NDUFA10: variants seen among roughly 807,000 people sequenced by gnomAD.
NDUFA10 encodes NADH:ubiquinone oxidoreductase subunit A10, also known as NADH dehydrogenase [ubiquinone] 1 alpha subcomplex subunit 10, mitochondrial.
Under a neutral mutation model 47.8 loss-of-function variants are expected in NDUFA10, and 40 were observed. The ratio of observed to expected loss-of-function variants is 0.84; its 90% confidence interval spans 0.65 to 1.09. The LOEUF is 1.09. Among genes scored for constraint, NDUFA10 ranks in the 50% least tolerant of loss-of-function variants. NDUFA10 has a pLI of 0.00. For missense variants in NDUFA10, 413 were observed against 451.1 expected, an observed-to-expected ratio of 0.92 and a Z score of 0.76; for synonymous variants, 183 against 172.2, an observed-to-expected ratio of 1.06 and a Z score of -0.49.
chr2:239,982,782 G>T (rs1292305118), intron 9 of NDUFA10, among the ~76,000 whole-genome samples: 3 of 152,218 alleles, frequency 2.0e-5, no homozygotes, highest in African/African-American at 7.2e-5. Context: ...GTTTTCAAAA[G>T]AAGGAAAAGA....
At chr2:239,976,435 G>A (rs1695525147) in intron 9 of NDUFA10, 1 of 152,358 alleles carries the variant, frequency 6.6e-6, no homozygotes, top group Non-Finnish European at 1.5e-5. Flanking sequence ...CCCCCCCCAA[G>A]ACTCTACTTG....
chr2:239,976,726 T>C (rs542777855), intron 9 of NDUFA10: 3 of 151,242 alleles, frequency 2.0e-5, no homozygotes, highest in Non-Finnish European at 4.4e-5. Flanking sequence ...TACTGAAGAG[T>C]GACAAGGAGG....
intron 4 of NDUFA10, among the ~76,000 whole-genome samples, chr2:240,015,279 T>A (rs914418497): frequency 6.6e-6 from 1 of 152,248 alleles, no homozygotes; most frequent in Non-Finnish European, 1.5e-5. Flanking sequence ...AAGACGTAGG[T>A]CACGCAAGAT....
intron 9 of NDUFA10, among the ~76,000 whole-genome samples, chr2:239,972,233 T>C (rs1392169553): frequency 1.3e-5 from 2 of 152,092 alleles, no homozygotes; most frequent in Non-Finnish European, 2.9e-5. Flanking sequence ...AATATGTGTA[T>C]ATTCCAGCAA....
intron 1 of NDUFA10, among the ~76,000 whole-genome samples, 162 bp from the exon 2 acceptor site, chr2:240,022,502 C>T (rs1384406580): frequency 6.6e-6 from 1 of 152,148 alleles, no homozygotes; most frequent in Non-Finnish European, 1.5e-5. Context: ...GTCTATCCCC[C>T]ACCACTCTGT....
At chr2:239,919,520 A>G (rs58955022) in intron 4 of NDUFA10, among the ~76,000 whole-genome samples, 34,006 of 151,932 alleles carry the variant, frequency 0.22, 5,260 homozygotes, top group African/African-American at 0.45. Flanking sequence ...GGAACGGGGT[A>G]AGTTGAAGGA....
chr2:240,014,915 A>C lies in NDUFA10; in HGVS notation c.548-55T>G, dbSNP rs974100972. The C allele has an allele frequency of 1.9e-6, 3 of 1,612,532 alleles. No homozygotes were observed. The East Asian group carries it at 6.7e-5, about 36-fold the overall frequency. On this transcript the variant is annotated intron_variant, in intron 4 of 9. Coordinates refer to ENST00000252711, the MANE Select transcript of NDUFA10 (RefSeq NM_004544.4). The stretch of plus-strand genomic sequence containing the variant: ...CCTACCAGTCCCCACACGGGTTTCC[A>C]AAACACACTCCTCCTTGAATAAAAG...
intron 4 of NDUFA10, among the ~76,000 whole-genome samples, chr2:239,920,563 T>C (rs1291324203): frequency 2.0e-5 from 3 of 152,194 alleles, no homozygotes; most frequent in Non-Finnish European, 4.4e-5. Flanking sequence ...ACGGGAGTCC[T>C]TAAATAGCAT....
chr2:240,011,334 T>C (rs112976524), intron 6 of NDUFA10, among the ~76,000 whole-genome samples: 137 of 152,364 alleles, frequency 9.0e-4, no homozygotes, highest in Middle Eastern at 3.4e-3. Flanking sequence ...GTAAAACCTG[T>C]CATGGAATAG....
At chr2:239,995,033 G>C (rs1184805382) in intron 8 of NDUFA10, among the ~76,000 whole-genome samples, 21 of 152,196 alleles carry the variant, frequency 1.4e-4, no homozygotes. Context: ...TCAGCACTTT[G>C]GGAGGCCAGG....
intron 4 of NDUFA10, among the ~76,000 whole-genome samples, chr2:239,917,032 C>T (rs904236520): frequency 1.3e-5 from 2 of 152,216 alleles, no homozygotes; most frequent in African/African-American, 4.8e-5. Context: ...GAGAGACACA[C>T]ACACCTGTCA....
intron 9 of NDUFA10, among the ~76,000 whole-genome samples, chr2:239,969,269 G>A (rs1364771284): frequency 2.0e-5 from 3 of 152,124 alleles, no homozygotes; most frequent in East Asian, 1.9e-4. Context: ...AAAACATAAG[G>A]AGAGAACTGG....
chr2:239,903,299 C>T (rs998039776), intron 4 of NDUFA10, among the ~76,000 whole-genome samples: 24 of 152,306 alleles, frequency 1.6e-4, no homozygotes, highest in Middle Eastern at 3.4e-3. Context: ...AACGTCAGCA[C>T]GGGGGGCTTG....
intron 4 of NDUFA10, among the ~76,000 whole-genome samples, chr2:239,933,884 G>A (rs887209081): frequency 1.6e-4 from 23 of 144,500 alleles, no homozygotes; most frequent in East Asian, 4.2e-4. Context: ...TAGAGAGGGC[G>A]TCTCACTCTG....
At chr2:239,893,258 C>T (rs1693328538) in intron 5 of NDUFA10, among the ~76,000 whole-genome samples, 2 of 152,118 alleles carry the variant, frequency 1.3e-5, no homozygotes, top group Non-Finnish European at 2.9e-5. Flanking sequence ...GGATCATGAT[C>T]GCACAGAGGA....
At chr2:239,913,409 T>A (rs964524521) in intron 4 of NDUFA10, among the ~76,000 whole-genome samples, 1 of 152,212 alleles carries the variant, frequency 6.6e-6, no homozygotes, top group Non-Finnish European at 1.5e-5. Context: ...TCTGCCACGA[T>A]GGGCGGGCTG....
intron 8 of NDUFA10, among the ~76,000 whole-genome samples, chr2:239,991,231 G>A (rs780502412): frequency 9.9e-5 from 15 of 152,224 alleles, no homozygotes; most frequent in Admixed American, 5.9e-4. Flanking sequence ...GCGAACCTGC[G>A]GCAAGCTGAA....
intron 4 of NDUFA10, among the ~76,000 whole-genome samples, chr2:239,944,000 G>A (rs1694404561): frequency 6.6e-6 from 1 of 152,182 alleles, no homozygotes; most frequent in Non-Finnish European, 1.5e-5. Flanking sequence ...CAGGTGCTCT[G>A]CTCCTTCCTT....
In NDUFA10 at chr2:240,014,805, G is replaced by T. The variant is rs757191212; in HGVS notation, c.603C>A (p.Pro201=). The part of the protein sequence containing the change: ...KSVTICDYLP[P]HLVIYIDVPV... ...GCACATCGATGTAAATCACCAGGTG[G>T]GGGGGCAGGTAATCGCAGATGGTGA... The change falls in exon 5 of 10, where the codon CCC becomes CCA. Residue 201 remains proline, a synonymous_variant. Transcript: ENST00000252711. 2.5e-6 allele frequency: 4 copies of T among 1,614,138 alleles called. No individual in the cohort carries two copies. Among genetic ancestry groups the T allele is most frequent in the Middle Eastern group, 3.3e-4 (2 of 6,062 alleles).
Sources: gnomAD v4.1 joint callset for allele counts (sites outside exome capture counted in the v4.1 genomes callset) on GRCh38, gnomAD v4.1.1 for gene constraint, MANE v1.5 for transcripts, NCBI Gene and HGNC (gene_info 2026-07-23, HGNC 2026-07-21) for gene names.